The following PRMT8 variants were observed in gnomAD, a reference collection of about 807,000 sequenced individuals.
PRMT8 encodes the protein protein arginine N-methyltransferase 8.
A neutral mutation model predicts 47.1 loss-of-function variants in PRMT8; 7 were observed. The ratio of observed to expected loss-of-function variants is 0.15; its 90% CI spans 0.08 to 0.28. The LOEUF (loss-of-function observed/expected upper bound fraction) is 0.28. Ranked by LOEUF, PRMT8 falls within the 10% of genes least tolerant of loss-of-function variation. PRMT8 has a pLI of 1.00. For missense variants in PRMT8, 237 were observed against 505.4 expected (o/e 0.47, Z 5.09); for synonymous variants, 188 against 186.5 (o/e 1.01, Z -0.07).
At chr12:3,461,996 T>C (rs999405618) in intron 1 of PRMT8, among the ~76,000 whole-genome samples, 3 of 152,054 alleles carry the variant, frequency 2.0e-5, no homozygotes, top group African/African-American at 4.8e-5. Flanking sequence ...ATCACTCAGG[T>C]ACAAAGCCTA....
At chr12:3,394,709 G>T (rs1369114389) in intron 1 of PRMT8, among the ~76,000 whole-genome samples, 3 of 152,022 alleles carry the variant, frequency 2.0e-5, no homozygotes, top group Non-Finnish European at 4.4e-5. Context: ...TTGGTATCAG[G>T]ATGATGCTGG....
chr12:3,484,946 G>A (rs1865308064), intron 1 of PRMT8, among the ~76,000 whole-genome samples: 1 of 152,172 alleles, frequency 6.6e-6, no homozygotes. Context: ...ACTAGGCACT[G>A]GTATGGGCAG....
At position 3,583,225 on chromosome 12, in the gene PRMT8, T is replaced by C. The variant is rs1171384640; in HGVS notation, c.979+17T>C. On this transcript the variant is annotated intron_variant, in intron 8 of 9. Transcript: ENST00000382622. This position sits in a 1 kb window ranked among gnomAD's most constrained non-coding sequence, Gnocchi z 4.7. ...TTTCCACAGGTGAGCTGTTTGTTGCTTCCCAGAGCCTCCTCCCTCTCCCAT... is the reference window on the plus strand; with the variant it reads ...TTTCCACAGGTGAGCTGTTTGTTGCCTCCCAGAGCCTCCTCCCTCTCCCAT... The C allele has an allele frequency of 5.0e-6, 8 of 1,601,314 alleles. No homozygotes were observed. The highest frequency in any genetic ancestry group is 6.8e-6 in the Non-Finnish European group (8 of 1,173,568).
chr12:3,556,882 G>A (rs1034305320), intron 4 of PRMT8, among the ~76,000 whole-genome samples: 1 of 151,888 alleles, frequency 6.6e-6, no homozygotes, highest in Non-Finnish European at 1.5e-5. Flanking sequence ...GCCTTGCACA[G>A]GTGGTGGGGT....
intron 4 of PRMT8, among the ~76,000 whole-genome samples, chr12:3,560,342 C>T (rs1866612711): frequency 1.3e-5 from 2 of 152,210 alleles, no homozygotes; most frequent in South Asian, 2.1e-4. Context: ...TCTCCCTCTC[C>T]ACCTCCGTAC....
intron 4 of PRMT8, among the ~76,000 whole-genome samples, chr12:3,561,311 T>C (rs1343411802): frequency 1.3e-5 from 2 of 152,220 alleles, no homozygotes; most frequent in East Asian, 1.9e-4. Flanking sequence ...GAAAACACCA[T>C]GTCACACTGT....
At chr12:3,586,887 T>A (rs1458862583) in intron 8 of PRMT8, among the ~76,000 whole-genome samples, 1 of 152,228 alleles carries the variant, frequency 6.6e-6, no homozygotes, top group Non-Finnish European at 1.5e-5. Context: ...CACATGCCTA[T>A]ATGGGTAGCA....
At chr12:3,544,415 G>A (rs1329372167) in intron 2 of PRMT8, among the ~76,000 whole-genome samples, 2 of 152,202 alleles carry the variant, frequency 1.3e-5, no homozygotes, top group Non-Finnish European at 2.9e-5. Flanking sequence ...CCACTGGGGG[G>A]TCTCCCCATT....
chr12:3,424,459 C>CT (rs1311011869), intron 1 of PRMT8, among the ~76,000 whole-genome samples: 2 of 152,144 alleles, frequency 1.3e-5, no homozygotes, highest in East Asian at 3.9e-4. Context: ...GTCATATAGC[C>CT]TTTTTTCCAA....
intron 2 of PRMT8, 86 bp downstream of exon 2, chr12:3,540,877 C>T: frequency 7.2e-7 from 1 of 1,393,996 alleles, no homozygotes; most frequent in Non-Finnish European, 1.0e-6. Flanking sequence ...GTGTTCAACT[C>T]CTTACCATGG....
At chr12:3,475,244 G>A (rs1172696694) in intron 1 of PRMT8, among the ~76,000 whole-genome samples, 1 of 152,172 alleles carries the variant, frequency 6.6e-6, no homozygotes, top group Admixed American at 6.5e-5. Flanking sequence ...TGAAGGAGAG[G>A]GGGACATTGT....
At chr12:3,540,196 A>G (rs1443433537) in intron 1 of PRMT8, among the ~76,000 whole-genome samples, 4 of 149,482 alleles carry the variant, frequency 2.7e-5, no homozygotes, top group African/African-American at 9.9e-5. Flanking sequence ...GGGAAATGGC[A>G]GAGCTGGGAT....
At chr12:3,490,546 TG>T (rs368631937), upstream of PRMT8, among the ~76,000 whole-genome samples, 14,589 of 52,622 alleles carry the variant, frequency 0.28, 1,167 homozygotes, top group African/African-American at 0.38. Flanking sequence ...AAGACTGGAG[TG>T]GGGGGGGGGG....
At chr12:3,525,836 A>AT (rs1238988918) in intron 1 of PRMT8, among the ~76,000 whole-genome samples, 1 of 152,172 alleles carries the variant, frequency 6.6e-6, no homozygotes, top group East Asian at 1.9e-4. Flanking sequence ...ATTCTATCAG[A>AT]TTTTTTTCTC....
At chr12:3,537,109 G>C (rs1162112731) in intron 1 of PRMT8, among the ~76,000 whole-genome samples, 4 of 152,168 alleles carry the variant, frequency 2.6e-5, no homozygotes, top group Admixed American at 2.6e-4. Flanking sequence ...TAAAAGTCTT[G>C]ACCTATTTTC....
chr12:3,490,824 G>A (rs1030795669), upstream of PRMT8, among the ~76,000 whole-genome samples: 1 of 151,162 alleles, frequency 6.6e-6, no homozygotes, highest in African/African-American at 2.4e-5. Flanking sequence ...GTAATTCGCC[G>A]AGGAAGGATC....
intron 1 of PRMT8, among the ~76,000 whole-genome samples, chr12:3,531,101 A>G (rs1866024274): frequency 6.6e-6 from 1 of 152,238 alleles, no homozygotes. Flanking sequence ...TCATGAACAT[A>G]GCATAGGTCC....
chr12:3,541,822 T>C (rs1191055466), intron 2 of PRMT8, among the ~76,000 whole-genome samples: 1 of 152,252 alleles, frequency 6.6e-6, no homozygotes, highest in Non-Finnish European at 1.5e-5. Flanking sequence ...TATTGGTTCA[T>C]TTATTCTTCA....
intron 8 of PRMT8, among the ~76,000 whole-genome samples, chr12:3,584,395 G>A (rs1049496990): frequency 6.6e-6 from 1 of 152,184 alleles, no homozygotes; most frequent in African/African-American, 2.4e-5. Flanking sequence ...GACAATTCAG[G>A]TGGTAACACC....
Sources: gnomAD v4.1 joint callset for allele counts (sites outside exome capture counted in the v4.1 genomes callset) on GRCh38, gnomAD v4.1.1 for gene constraint, Gnocchi (gnomAD v3.1) non-coding constraint, MANE v1.5 for transcripts, NCBI Gene and HGNC (gene_info 2026-07-23, HGNC 2026-07-21) for gene names.